HMGCLL1: variants seen among roughly 807,000 people sequenced by gnomAD.
The protein encoded by HMGCLL1 is 3-hydroxy-3-methylglutaryl-CoA lyase like 1.
HMGCLL1 carries 36 observed loss-of-function variants against 39.1 expected under a neutral mutation model. The ratio of observed to expected loss-of-function variants is 0.92; its 90% confidence interval spans 0.71 to 1.22. The LOEUF is 1.22. HMGCLL1 is among the 50% of genes most tolerant of loss of function. HMGCLL1 has a pLI of 0.00. For synonymous variants in HMGCLL1, 149 were observed against 144.0 expected (o/e 1.03, Z -0.25); for missense variants, 451 against 416.5 (o/e 1.08, Z -0.72).
At chr6:55,467,148 A>C (rs559097196) in intron 7 of HMGCLL1, among the ~76,000 whole-genome samples, 4 of 152,146 alleles carry the variant, frequency 2.6e-5, no homozygotes, top group African/African-American at 9.6e-5. Flanking sequence ...CCTCAACTCA[A>C]GGCATTGCTT....
the HMGCLL1 span, among the ~76,000 whole-genome samples, chr6:55,638,463 A>G: frequency 2.3e-3 from 343 of 152,244 alleles, no homozygotes; most frequent in African/African-American, 7.7e-3. Context: ...ATTTTAAGAA[A>G]GAGTTTAATA....
intron 7 of HMGCLL1, among the ~76,000 whole-genome samples, chr6:55,454,992 C>T (rs1406538866): frequency 1.5e-5 from 2 of 135,338 alleles, no homozygotes; most frequent in Non-Finnish European, 3.1e-5. Flanking sequence ...GGTCTGTGTT[C>T]CCAGCTACTG....
chr6:55,549,968 A>G (rs1770230873), intron 1 of HMGCLL1, among the ~76,000 whole-genome samples: 1 of 151,996 alleles, frequency 6.6e-6, no homozygotes. Context: ...CCATCAAAAT[A>G]CAGCTTTATG....
At chr6:55,436,573 A>G (rs1763380271) in intron 8 of HMGCLL1, among the ~76,000 whole-genome samples, 1 of 152,028 alleles carries the variant, frequency 6.6e-6, no homozygotes, top group Non-Finnish European at 1.5e-5. Flanking sequence ...CTTATGTGGC[A>G]TTTCATAAGC....
intron 5 of HMGCLL1, among the ~76,000 whole-genome samples, chr6:55,501,313 A>G (rs1239128245): frequency 1.3e-5 from 2 of 151,920 alleles, no homozygotes; most frequent in Non-Finnish European, 2.9e-5. Context: ...CTCTTTTAAT[A>G]ATAAAATTGT....
At chr6:55,630,118 C>T in the HMGCLL1 span, among the ~76,000 whole-genome samples, 1 of 152,190 alleles carries the variant, frequency 6.6e-6, no homozygotes, top group East Asian at 1.9e-4. Context: ...ACACTCTCGC[C>T]AGCCTGTGAA....
rs569756227 is a variant in HMGCLL1 at position 55,439,520 on chromosome 6, C to A, written c.835G>T (p.Gly279Cys). The change falls in exon 8 of 9, where the codon GGT becomes TGT. Residue 279 changes from glycine to cysteine, a missense_variant. Gly to Cys is a radical substitution (Grantham distance 159). Transcript: ENST00000274901. Reference protein sequence around the residue: ...NVVDSAVSGLGGCPYAKGASG... With the variant: ...NVVDSAVSGLCGCPYAKGASG... ...GCACCTTTTGCATAAGGGCAGCCACCTAATCCGGATACTGCGGAGTCCACC... is the reference window on the plus strand; with the variant it reads ...GCACCTTTTGCATAAGGGCAGCCACATAATCCGGATACTGCGGAGTCCACC... 6 of 1,613,060 alleles carry A rather than the reference C, an allele frequency of 3.7e-6. No individual in the cohort carries two copies. The highest frequency in any genetic ancestry group is 1.3e-5 in the African/African-American group (1 of 74,984).
chr6:55,485,815 G>A (rs553001911), intron 7 of HMGCLL1, among the ~76,000 whole-genome samples: 89 of 151,732 alleles, frequency 5.9e-4, no homozygotes, highest in African/African-American at 2.0e-3. Context: ...GCTGAATTTA[G>A]CAATATTATA....
In HMGCLL1 at chr6:55,445,944, C is replaced by G. The variant is rs116662610; in HGVS notation, c.796-6385G>C. Among the ~76,000 whole-genome samples, 743 of 152,072 alleles carry G rather than the reference C, an allele frequency of 4.9e-3. 7 individuals carry two copies. Among genetic ancestry groups the G allele is most frequent in the African/African-American group, 0.017 (695 of 41,540 alleles). On this transcript the variant is annotated intron_variant, in intron 7 of 8. Transcript: ENST00000274901. ...TATATTTATCAAACAAACGGGTTTTCTGCATTTAAAATAAGGACACTCTTA... is the reference window on the plus strand; with the variant it reads ...TATATTTATCAAACAAACGGGTTTTGTGCATTTAAAATAAGGACACTCTTA...
chr6:55,585,754 T>C, the HMGCLL1 span, among the ~76,000 whole-genome samples: 34 of 152,208 alleles, frequency 2.2e-4, 1 homozygote, highest in South Asian at 6.8e-3. Context: ...AAAAACCAAA[T>C]TTAGGACATT....
At chr6:55,438,035 G>T (rs1231855989) in intron 8 of HMGCLL1, among the ~76,000 whole-genome samples, 2 of 151,892 alleles carry the variant, frequency 1.3e-5, no homozygotes, top group Non-Finnish European at 2.9e-5. Context: ...AAATTTTTAG[G>T]AATAAACTTG....
chr6:55,483,433 T>G (rs1272101422), intron 7 of HMGCLL1, among the ~76,000 whole-genome samples: 1 of 151,996 alleles, frequency 6.6e-6, no homozygotes. Flanking sequence ...GCCTGGCTAA[T>G]TTTTGTATTT....
At chr6:55,576,435 G>A (rs1230925727) in intron 1 of HMGCLL1, among the ~76,000 whole-genome samples, 1 of 152,166 alleles carries the variant, frequency 6.6e-6, no homozygotes, top group Non-Finnish European at 1.5e-5. Flanking sequence ...AAGATCATTT[G>A]AAGTTTAGAA....
At position 55,435,689 on chromosome 6, in the gene HMGCLL1, T is replaced by C; in HGVS notation, c.996A>G (p.Lys332=). Reference sequence around the variant, plus strand: ...AAGCATTGAAGGAGGCTTGTGCTACTTTAGAGTTTGTGGTTTTATTCACAG... The same window carrying C: ...AAGCATTGAAGGAGGCTTGTGCTACCTTAGAGTTTGTGGTTTTATTCACAG... ...CKAVNKTTNS[K]VAQASFNA The change falls in exon 9 of 9, where the codon AAA becomes AAG. Residue 332 remains lysine, a synonymous_variant. Coordinates refer to ENST00000274901, the MANE Select transcript of HMGCLL1 (RefSeq NM_001042406.2). 1 of 1,605,078 alleles carries C rather than the reference T, an allele frequency of 6.2e-7. No individual in the cohort carries two copies. Among genetic ancestry groups the C allele is most frequent in the South Asian group, 1.1e-5 (1 of 90,464 alleles).
At chr6:55,554,540 C>G (rs925620242) in intron 1 of HMGCLL1, among the ~76,000 whole-genome samples, 1 of 151,950 alleles carries the variant, frequency 6.6e-6, no homozygotes, top group African/African-American at 2.4e-5. Context: ...CTAATTGCCA[C>G]TATAGTTAAT....
intron 3 of HMGCLL1, among the ~76,000 whole-genome samples, chr6:55,520,928 C>T (rs1045751744): frequency 1.5e-4 from 22 of 151,690 alleles, no homozygotes; most frequent in African/African-American, 5.1e-4. Context: ...TAAGCATGCA[C>T]ATTTTGATAT....
the HMGCLL1 span, among the ~76,000 whole-genome samples, chr6:55,610,331 G>A: frequency 1.3e-5 from 2 of 151,870 alleles, no homozygotes; most frequent in South Asian, 2.1e-4. Context: ...ACTTTAGAGA[G>A]GAACATAAAT....
At chr6:55,445,226 A>C (rs534007059) in intron 7 of HMGCLL1, among the ~76,000 whole-genome samples, 1 of 152,096 alleles carries the variant, frequency 6.6e-6, no homozygotes, top group African/African-American at 2.4e-5. Context: ...CTCAGAAATA[A>C]AAATTTTCTC....
the HMGCLL1 span, among the ~76,000 whole-genome samples, chr6:55,629,740 G>A: frequency 6.6e-6 from 1 of 152,120 alleles, no homozygotes; most frequent in South Asian, 2.1e-4. Context: ...AGACATGGCT[G>A]AAAGGGACCA....
Sources: gnomAD v4.1 joint callset for allele counts (sites outside exome capture counted in the v4.1 genomes callset) on GRCh38, gnomAD v4.1.1 for gene constraint, MANE v1.5 for transcripts, NCBI Gene and HGNC (gene_info 2026-07-23, HGNC 2026-07-21) for gene names.